ECE1: variants seen among roughly 807,000 people sequenced by gnomAD.
The protein encoded by ECE1 is endothelin converting enzyme 1, also known as endothelin-converting enzyme 1.
Under a neutral mutation model 98.6 loss-of-function variants are expected in ECE1, and 35 were observed. The ratio of observed to expected loss-of-function variants is 0.35; its 90% CI spans 0.27 to 0.47. The LOEUF is 0.47. Among genes scored for constraint, ECE1 ranks in the 20% least tolerant of loss-of-function variants. The probability of loss-of-function intolerance (pLI) is 1.00; values close to 1 mark genes in which losing one functional copy is unlikely to be tolerated. For synonymous variants in ECE1, 394 were observed against 407.1 expected (o/e 0.97, Z 0.39); for missense variants, 814 against 1,025.3 (o/e 0.79, Z 2.81).
At chr1:21,295,062 T>G (rs1457031247), upstream of ECE1, among the ~76,000 whole-genome samples, 1 of 152,232 alleles carries the variant, frequency 6.6e-6, no homozygotes, top group Non-Finnish European at 1.5e-5. Flanking sequence ...CTAAACCTCA[T>G]TTCAGATCCC....
chr1:21,221,706 C>G (rs1289170913), intron 18 of ECE1, 41 bp downstream of exon 18: 1 of 1,596,234 alleles, frequency 6.3e-7, no homozygotes, highest in Non-Finnish European at 8.6e-7. Flanking sequence ...ATCAAGATGG[C>G]AGAATGTACC....
At chr1:21,222,162 G>A (rs766437721) in intron 17 of ECE1, 17 of 404,282 alleles carry the variant, frequency 4.2e-5, no homozygotes, top group East Asian at 1.1e-4. Context: ...GAGCCACATC[G>A]TGTGTGTGCA....
At chr1:21,289,004 C>T (rs952024330) in intron 2 of ECE1, among the ~76,000 whole-genome samples, 1 of 152,208 alleles carries the variant, frequency 6.6e-6, no homozygotes, top group Non-Finnish European at 1.5e-5. Flanking sequence ...GGAGGAGGAA[C>T]TCCATCAATG....
intron 10 of ECE1, among the ~76,000 whole-genome samples, chr1:21,241,423 G>GTTT (rs1223983301): frequency 2.2e-4 from 29 of 133,380 alleles, no homozygotes; most frequent in African/African-American, 6.7e-4. Context: ...TGGTTGAGGT[G>GTTT]TTTTTTTTTT....
intron 9 of ECE1, among the ~76,000 whole-genome samples, 198 bp from the exon 10 acceptor site, chr1:21,245,301 C>T (rs774167928): frequency 2.0e-5 from 3 of 152,192 alleles, no homozygotes; most frequent in Non-Finnish European, 4.4e-5. Flanking sequence ...GGGTCTTCTA[C>T]CATAGGAAAC....
intron 14 of ECE1, among the ~76,000 whole-genome samples, chr1:21,232,312 T>C (rs966634792): frequency 6.6e-6 from 1 of 152,024 alleles, no homozygotes; most frequent in Non-Finnish European, 1.5e-5. Flanking sequence ...TTCTTTCTTT[T>C]TTTTCAGGCA....
chr1:21,300,586 C>T (rs1638461823), intron 1 of ECE1, among the ~76,000 whole-genome samples: 1 of 152,172 alleles, frequency 6.6e-6, no homozygotes, highest in African/African-American at 2.4e-5. Flanking sequence ...AGACATGTTC[C>T]ACCACACCCG....
At chr1:21,236,170 G>A (rs746624529) in intron 12 of ECE1, among the ~76,000 whole-genome samples, 19 of 152,366 alleles carry the variant, frequency 1.2e-4, no homozygotes, top group Admixed American at 2.0e-4. Flanking sequence ...CCCACTGGAG[G>A]GTGCCAGAGC....
At chr1:21,324,059 T>C (rs1351114660) in intron 1 of ECE1, among the ~76,000 whole-genome samples, 1 of 152,214 alleles carries the variant, frequency 6.6e-6, no homozygotes, top group East Asian at 1.9e-4. Flanking sequence ...TGACCTCAAG[T>C]GATCCACCTG....
intron 4 of ECE1, among the ~76,000 whole-genome samples, chr1:21,261,131 T>C (rs1370780260): frequency 2.6e-5 from 4 of 152,202 alleles, no homozygotes; most frequent in Admixed American, 2.6e-4. Flanking sequence ...GGACCCACTA[T>C]ATACTGGGGC....
chr1:21,316,521 G>A (rs1202598709), intron 1 of ECE1, among the ~76,000 whole-genome samples: 1 of 151,922 alleles, frequency 6.6e-6, no homozygotes, highest in South Asian at 2.1e-4. Flanking sequence ...TGATCCACCC[G>A]TCTCGGCCTC....
At chr1:21,273,075 G>A (rs550738703) in intron 3 of ECE1, among the ~76,000 whole-genome samples, 164 bp from the exon 4 acceptor site, 4 of 152,220 alleles carry the variant, frequency 2.6e-5, no homozygotes, top group Non-Finnish European at 4.4e-5. Context: ...AATGATTTCC[G>A]CTTATAACAC....
At position 21,233,662 on chromosome 1, in the gene ECE1, C is replaced by T; in HGVS notation, c.1567-1G>A. 1 of 1,613,580 alleles carries T rather than the reference C, an allele frequency of 6.2e-7. No individual in the cohort carries two copies. The highest frequency in any genetic ancestry group is 8.5e-7 in the Non-Finnish European group (1 of 1,179,682). On this transcript the variant is annotated splice_acceptor_variant, in intron 13 of 18. Transcript: ENST00000374893. LOFTEE classifies it high-confidence loss of function. The surrounding 1 kb of genome is among the most constrained non-coding windows in gnomAD (Gnocchi z 4.0). ...AGTAGAGGTCTGGAACTGCAGTGTA[C>T]TAGAAAAGAAGAAGTGGAGTCAATC...
chr1:21,223,547 A>T (rs1172515481), intron 17 of ECE1, among the ~76,000 whole-genome samples: 1 of 152,060 alleles, frequency 6.6e-6, no homozygotes, highest in African/African-American at 2.4e-5. Flanking sequence ...GCTCATTGCA[A>T]CCTCCACCTT....
Position 21,279,321 on chromosome 1 carries a change from G to A in ECE1, c.150C>T (p.His50=), listed in dbSNP as rs770532265. The change falls in exon 3 of 19, where the codon CAC becomes CAT. Residue 50 remains histidine (H), a synonymous_variant. Transcript: ENST00000374893. ...AYPNGLQVNF[H]SPRSGQRCWA... ...AGCACCTCTGGCCACTCCGGGGGCT[G>A]TGGAAGTTCACCTGCAGGGAAGGAG... 1 of 1,614,206 alleles carries A rather than the reference G, an allele frequency of 6.2e-7. No individual in the cohort carries two copies. Among genetic ancestry groups the A allele is most frequent in the South Asian group, 1.1e-5 (1 of 91,090 alleles).
intron 18 of ECE1, 88 bp downstream of exon 18, chr1:21,221,659 G>C: frequency 7.4e-7 from 1 of 1,353,826 alleles, no homozygotes; most frequent in Non-Finnish European, 1.1e-6. Context: ...CTCAATCTGT[G>C]GGGAACTTGC....
At chr1:21,263,813 C>T (rs537269445) in intron 4 of ECE1, among the ~76,000 whole-genome samples, 7 of 152,208 alleles carry the variant, frequency 4.6e-5, no homozygotes, top group African/African-American at 1.4e-4. Context: ...GTAGAAGGTA[C>T]GGTTCCTCTT....
chr1:21,264,321 T>G (rs150468480), intron 4 of ECE1, among the ~76,000 whole-genome samples: 1 of 11,030 alleles, frequency 9.1e-5, no homozygotes, highest in Middle Eastern at 0.025. Context: ...CCCCCCCCCC[T>G]TTTTTTTTTT....
At chr1:21,282,177 C>A (rs2098255330) in intron 2 of ECE1, among the ~76,000 whole-genome samples, 1 of 152,158 alleles carries the variant, frequency 6.6e-6, no homozygotes, top group Non-Finnish European at 1.5e-5. Flanking sequence ...GTAGTCCCAG[C>A]TACTTGGGAG....
Sources: gnomAD v4.1 joint callset for allele counts (sites outside exome capture counted in the v4.1 genomes callset) on GRCh38, gnomAD v4.1.1 for gene constraint, Gnocchi (gnomAD v3.1) non-coding constraint, MANE v1.5 for transcripts, NCBI Gene and HGNC (gene_info 2026-07-23, HGNC 2026-07-21) for gene names.